TUG1: variants seen among roughly 807,000 people sequenced by gnomAD.
TUG1 encodes taurine up-regulated 1, also known as taurine upregulated gene 1.
At chr22:30,971,969 T>A (rs1602529451) in intron 1 of TUG1, 190 bp downstream of exon 1, 1 of 152,254 alleles carries the variant, frequency 6.6e-6, no homozygotes, top group Non-Finnish European at 1.5e-5. Flanking sequence ...TAAAGTTTTA[T>A]GACATTTCGT....
At chr22:30,969,602 C>G (rs1393313880) in exon 1 of TUG1, 1 of 152,216 alleles carries the variant, frequency 6.6e-6, no homozygotes, top group African/African-American at 2.4e-5. Context: ...TGGTCGGCGG[C>G]GGCGGGCAGC....
chr22:30,973,200 GAGACACACAATAA>G (rs1409072734), exon 2 of TUG1: 1 of 152,474 alleles, frequency 6.6e-6, no homozygotes, highest in African/African-American at 2.4e-5. Flanking sequence ...AAAGCCTTCA[GAGACACACAATAA>G]ATTTGGACCA....
chr22:30,974,998 TGATA>T (rs900165255), intron 2 of TUG1, 168 bp from the exon 3 acceptor site: 13 of 152,256 alleles, frequency 8.5e-5, no homozygotes, highest in Admixed American at 3.3e-4. Flanking sequence ...CCTTGTTCTC[TGATA>T]GATACTTACA....
exon 3 of TUG1, chr22:30,979,225 T>G (rs2041322503): frequency 6.6e-6 from 1 of 152,214 alleles, no homozygotes; most frequent in African/African-American, 2.4e-5. Flanking sequence ...TGAACTCATT[T>G]TAAAATGTGT....
At chr22:30,978,923 C>G (rs2041318600) in exon 3 of TUG1, 2 of 152,066 alleles carry the variant, frequency 1.3e-5, no homozygotes, top group South Asian at 2.1e-4. Flanking sequence ...CTTGACAGAT[C>G]CAAGTATTTA....
chr22:30,971,038 T>TA (rs2041224117), exon 1 of TUG1: 1 of 152,156 alleles, frequency 6.6e-6, no homozygotes, highest in Admixed American at 6.5e-5. Flanking sequence ...TTTATCAAAT[T>TA]TCAGGCCATT....
At chr22:30,971,956 C>G (rs1345327530) in intron 1 of TUG1, 177 bp downstream of exon 1, 1 of 152,192 alleles carries the variant, frequency 6.6e-6, no homozygotes. Flanking sequence ...CAGAATAGAG[C>G]TTTAAAGTTT....
chr22:30,974,913 ATACT>A (rs1368290944), intron 2 of TUG1: 2 of 152,202 alleles, frequency 1.3e-5, no homozygotes, highest in South Asian at 2.1e-4. Context: ...TCTTGGAGTA[ATACT>A]TACAAAGAAT....
chr22:30,970,318 T>A (rs1270849106), exon 1 of TUG1: 3 of 152,232 alleles, frequency 2.0e-5, no homozygotes, highest in Non-Finnish European at 2.9e-5. Flanking sequence ...TAGATGTCAT[T>A]TGGGACCCTT....
chr22:30,974,260 C>G (rs12158502), intron 2 of TUG1: 129 of 151,300 alleles, frequency 8.5e-4, no homozygotes, highest in African/African-American at 2.8e-3. Flanking sequence ...GCCCTTCCCC[C>G]AGTCTACATT....
exon 3 of TUG1, chr22:30,978,323 C>G (rs532295770): frequency 9.9e-5 from 15 of 152,194 alleles, no homozygotes; most frequent in African/African-American, 3.4e-4. Flanking sequence ...AAACTTATCT[C>G]TCATGGTGTT....
At chr22:30,977,992 C>G (rs187054081) in exon 3 of TUG1, 2 of 152,150 alleles carry the variant, frequency 1.3e-5, no homozygotes, top group African/African-American at 2.4e-5. Flanking sequence ...TACAGCAGTT[C>G]GAAAGCCGCG....
At chr22:30,978,328 G>C (rs1296729150) in exon 3 of TUG1, 1 of 152,126 alleles carries the variant, frequency 6.6e-6, no homozygotes, top group Non-Finnish European at 1.5e-5. Context: ...TATCTCTCAT[G>C]GTGTTTTTTT....
At chr22:30,970,957 A>G (rs752234080) in exon 1 of TUG1, 2 of 152,186 alleles carry the variant, frequency 1.3e-5, no homozygotes, top group Admixed American at 6.5e-5. Flanking sequence ...CTTGTGTTCT[A>G]ATTGCTTGCA....
rs985775514 is a variant in TUG1 at position 30,976,943 on chromosome 22, A to G, written c.*4468A>G. 2.6e-5 allele frequency: 4 copies of G among 152,192 alleles called. No homozygotes were observed. In the South Asian group the frequency reaches 6.2e-4, roughly 24 times the overall value. The allele number at this position is 152,192 out of a possible 1,614,324, so 9.4% of individuals were successfully genotyped here. ...ATCTGGTTGACTAGCCTCCTTGTAT[A>G]TACAACTATTATTTGTTAAGAAGAA... On this transcript the variant is annotated 3_prime_UTR_variant, in exon 3 of 3. Coordinates refer to ENST00000644773, the Ensembl canonical transcript of TUG1.
At chr22:30,975,037 T>G (rs1301486595) in intron 2 of TUG1, 133 bp from the exon 3 acceptor site, 2 of 152,214 alleles carry the variant, frequency 1.3e-5, no homozygotes, top group African/African-American at 4.8e-5. Flanking sequence ...CAATCAAAAT[T>G]TATAGCAGAT....
exon 3 of TUG1, chr22:30,976,769 C>T (rs1020359592): frequency 6.6e-6 from 1 of 152,160 alleles, no homozygotes; most frequent in Non-Finnish European, 1.5e-5. Flanking sequence ...CTGAGCTACT[C>T]GAATGAATGC....
rs377366947 is a variant in TUG1 at position 30,975,468 on chromosome 22, C to G, written c.*2993C>G. On this transcript the variant is annotated 3_prime_UTR_variant, in exon 3 of 3. Transcript: ENST00000644773. Reference sequence around the variant, plus strand: ...CATTCCAATCTTTTCTGTACCTCCACTCAGCACAGTTCATGTTCAGTAGAT... The same window carrying G: ...CATTCCAATCTTTTCTGTACCTCCAGTCAGCACAGTTCATGTTCAGTAGAT... 2.0e-4 allele frequency: 31 copies of G among 152,378 alleles called. No homozygotes were observed. In the East Asian group the frequency reaches 5.4e-3, roughly 26 times the overall value. 9.4% of individuals were successfully genotyped at this position (152,378 alleles called of 1,614,324 possible).
exon 3 of TUG1, chr22:30,976,464 A>G (rs758253762): frequency 2.6e-5 from 4 of 152,214 alleles, no homozygotes; most frequent in Non-Finnish European, 5.9e-5. Context: ...TGAAGACTGC[A>G]GCTAAGGATT....
Sources: gnomAD v4.1 joint callset for allele counts on GRCh38, gnomAD v4.1.1 for gene constraint, MANE v1.5 for transcripts, NCBI Gene and HGNC (gene_info 2026-07-23, HGNC 2026-07-21) for gene names.